The following CCDC7 variants were observed in gnomAD, a reference collection of about 807,000 sequenced individuals.
CCDC7 encodes coiled-coil domain-containing protein 7.
A neutral mutation model predicts 196.9 loss-of-function variants in CCDC7; 183 were observed. That is an observed-to-expected ratio of 0.93 (90% CI 0.82 to 1.05). The LOEUF (loss-of-function observed/expected upper bound fraction) is 1.05. CCDC7 is among the 50% of genes least tolerant of loss of function. CCDC7 has a pLI of 0.00. For missense variants in CCDC7, 1,540 were observed against 1,482.2 expected (o/e 1.04, Z -0.64); for synonymous variants, 525 against 484.6 (o/e 1.08, Z -1.10).
chr10:32,771,455 C>T (rs1361825996), intron 28 of CCDC7, among the ~76,000 whole-genome samples: 1 of 152,158 alleles, frequency 6.6e-6, no homozygotes, highest in Non-Finnish European at 1.5e-5. Context: ...GATAGTTTCC[C>T]AATCCCTTCT....
upstream of CCDC7, among the ~76,000 whole-genome samples, chr10:32,447,779 G>A (rs2031780512): frequency 6.6e-6 from 1 of 152,114 alleles, no homozygotes. Context: ...GTGGGCACCT[G>A]TAATCCCAGC....
exon 30 of CCDC7, chr10:32,805,061 A>G (rs767519431): frequency 5.6e-6 from 9 of 1,612,234 alleles, no homozygotes; most frequent in Middle Eastern, 1.7e-4. Context: ...GACGCTTATT[A>G]AATGATGAAT....
At position 32,764,828 on chromosome 10, in the gene CCDC7, A is replaced by G. The variant is rs117423937; in HGVS notation, c.2906-14149A>G. Among the ~76,000 whole-genome samples, 99 of 150,582 alleles carry G rather than the reference A, an allele frequency of 6.6e-4. No homozygotes were observed. The East Asian group carries it at 0.014, about 22-fold the overall frequency. On this transcript the variant is annotated intron_variant, in intron 28 of 41. Transcript: ENST00000639629. ...AATGGGAACCTTAAATGCAATAGGA[A>G]TAATTGGGTCTCAGAGGCCAAGTGG...
In CCDC7 at chr10:32,707,804, G is replaced by T. The variant is rs2080056281; in HGVS notation, c.2459-3816G>T. On this transcript the variant is annotated intron_variant, in intron 24 of 41. Transcript: ENST00000639629. ...TCTTCAAGGAGAACTACAAACCACTGCTCAATGAAATAAAAGAGGATACAA... is the reference window on the plus strand; with the variant it reads ...TCTTCAAGGAGAACTACAAACCACTTCTCAATGAAATAAAAGAGGATACAA... 4.6e-5 allele frequency among the ~76,000 whole-genome samples: 7 copies of T among 152,178 alleles called. No homozygotes were observed. The South Asian group carries it at 1.5e-3, about 32-fold the overall frequency.
chr10:32,832,156 CCATACAAAAGTTAATTCTAGTAAGATTA>C (rs1197989920), intron 32 of CCDC7, among the ~76,000 whole-genome samples: 1 of 152,030 alleles, frequency 6.6e-6, no homozygotes, highest in Non-Finnish European at 1.5e-5. Context: ...ATGAGTGTAA[CCATACAAAAGTTAATTCTAGTAAGATTA>C]ATAGGTGACA....
intron 41 of CCDC7, among the ~76,000 whole-genome samples, chr10:32,870,149 A>G (rs201084610): frequency 6.6e-6 from 1 of 152,028 alleles, no homozygotes; most frequent in Non-Finnish European, 1.5e-5. Context: ...TTGGTAGCTT[A>G]ATGGGGATGG....
At chr10:32,869,885 T>C (rs1427564976) in intron 41 of CCDC7, among the ~76,000 whole-genome samples, 4 of 150,870 alleles carry the variant, frequency 2.7e-5, no homozygotes, top group Non-Finnish European at 5.9e-5. Context: ...TTGTCAGGTT[T>C]GTCAAAGATC....
At chr10:32,491,667 GA>G (rs548584203) in intron 8 of CCDC7, among the ~76,000 whole-genome samples, 140 of 152,072 alleles carry the variant, frequency 9.2e-4, no homozygotes, top group African/African-American at 3.1e-3. Flanking sequence ...TTCTTTATTT[GA>G]AAATTATGAC....
At chr10:32,468,229 T>G (rs1432483324) in intron 5 of CCDC7, among the ~76,000 whole-genome samples, 1 of 152,228 alleles carries the variant, frequency 6.6e-6, no homozygotes, top group East Asian at 1.9e-4. Flanking sequence ...CATGGAATGT[T>G]TTTCCATTTG....
chr10:32,841,231 A>G (rs2092951110), intron 33 of CCDC7, among the ~76,000 whole-genome samples: 1 of 152,004 alleles, frequency 6.6e-6, no homozygotes, highest in Admixed American at 6.6e-5. Flanking sequence ...TGATGATATG[A>G]TCATATACCT....
intron 18 of CCDC7, among the ~76,000 whole-genome samples, chr10:32,596,150 A>T (rs894052114): frequency 6.6e-6 from 1 of 151,844 alleles, no homozygotes; most frequent in Non-Finnish European, 1.5e-5. Flanking sequence ...GGGTGTTAAA[A>T]TCTCCTATTA....
chr10:32,646,095 G>GTTTTT (rs2067721622), intron 20 of CCDC7, among the ~76,000 whole-genome samples: 1 of 138,392 alleles, frequency 7.2e-6, no homozygotes. Flanking sequence ...TTTTTTTTTA[G>GTTTTT]TTCTTTGAGG....
intron 20 of CCDC7, among the ~76,000 whole-genome samples, chr10:32,638,097 C>T (rs2065989931): frequency 6.6e-6 from 1 of 152,184 alleles, no homozygotes; most frequent in African/African-American, 2.4e-5. Context: ...TGAGACTTTG[C>T]TGAAGTTGCC....
chr10:32,866,428 T>A (rs1239853281), intron 41 of CCDC7, among the ~76,000 whole-genome samples: 1 of 151,616 alleles, frequency 6.6e-6, no homozygotes, highest in Admixed American at 6.6e-5. Flanking sequence ...AATTTAAAAA[T>A]AGTTGAGGGT....
chr10:32,499,688 G>C (rs565432992), intron 9 of CCDC7, among the ~76,000 whole-genome samples: 3 of 152,098 alleles, frequency 2.0e-5, no homozygotes, highest in African/African-American at 7.2e-5. Flanking sequence ...ATAGTGGAGG[G>C]AAGGTCAGCA....
At chr10:32,537,477 G>T (rs1410315292) in intron 11 of CCDC7, among the ~76,000 whole-genome samples, 1 of 152,026 alleles carries the variant, frequency 6.6e-6, no homozygotes, top group Non-Finnish European at 1.5e-5. Context: ...AGTTTCTTTT[G>T]TTATGCAGAA....
At chr10:32,638,375 A>G (rs553665570) in intron 20 of CCDC7, among the ~76,000 whole-genome samples, 5 of 152,158 alleles carry the variant, frequency 3.3e-5, no homozygotes, top group South Asian at 2.1e-4. Flanking sequence ...GTTTGTCATA[A>G]ATAGCTCTTA....
chr10:32,519,155 G>T (rs373296203), intron 11 of CCDC7, among the ~76,000 whole-genome samples: 1 of 152,104 alleles, frequency 6.6e-6, no homozygotes, highest in Non-Finnish European at 1.5e-5. Flanking sequence ...TCTTACACAG[G>T]TGTCAAATAT....
intron 14 of CCDC7, 67 bp downstream of exon 15, chr10:32,565,687 A>G (rs187024410): frequency 6.5e-7 from 1 of 1,530,320 alleles, no homozygotes; most frequent in East Asian, 2.3e-5. Flanking sequence ...GAACTTTTCA[A>G]ATGAATAATT....
Sources: gnomAD v4.1 joint callset for allele counts (sites outside exome capture counted in the v4.1 genomes callset) on GRCh38, gnomAD v4.1.1 for gene constraint, MANE v1.5 for transcripts, NCBI Gene and HGNC (gene_info 2026-07-23, HGNC 2026-07-21) for gene names.